Variants in CSNK1D observed in about 807,000 individuals in gnomAD.
CSNK1D encodes casein kinase 1 delta.
Under a neutral mutation model 46.6 loss-of-function variants are expected in CSNK1D, and 16 were observed. The observed-to-expected ratio is 0.34, with a 90% CI of 0.23 to 0.52. The LOEUF is 0.52. Among genes scored for constraint, CSNK1D ranks in the 20% least tolerant of loss-of-function variants. The pLI, the probability that CSNK1D is intolerant of heterozygous loss-of-function variation, is 0.95. For synonymous variants in CSNK1D, 276 were observed against 228.2 expected (o/e 1.21, Z -1.89); for missense variants, 398 against 578.4 (o/e 0.69, Z 3.20).
At chr17:82,240,080 C>G (rs761086341), downstream of CSNK1D, 222 of 1,233,448 alleles carry the variant, frequency 1.8e-4, no homozygotes, top group Non-Finnish European at 2.2e-4. Context: ...GAAAAGCAAG[C>G]GAAAAGTGCA....
rs780009306 is a variant in CSNK1D, at chr17:82,249,051, G to A, written c.1058-37C>T. The A allele has an allele frequency of 2.1e-4, 323 of 1,545,184 alleles. No individual in the cohort carries two copies. Among genetic ancestry groups the A allele is most frequent in the Non-Finnish European group, 2.6e-4 (294 of 1,143,754 alleles). The stretch of plus-strand genomic sequence containing the variant: ...GAGAGAAACGGAGTGGGCCGCCCCC[G>A]TCTGCTGCCTCTCACTCGGGGCTTT... On this transcript the variant is annotated intron_variant, in intron 7 of 8. Coordinates refer to ENST00000314028, the MANE Select transcript of CSNK1D (RefSeq NM_001893.6). This position sits in a 1 kb window ranked among gnomAD's most constrained non-coding sequence, Gnocchi z 6.7.
chr17:82,247,039 G>A, intron 8 of CSNK1D: 1 of 985,460 alleles, frequency 1.0e-6, no homozygotes, highest in Non-Finnish European at 1.2e-6. Flanking sequence ...TGGTGACAAA[G>A]GAGGGGGCCC....
intron 2 of CSNK1D, 23 bp downstream of exon 2, chr17:82,265,663 C>T: frequency 6.4e-7 from 1 of 1,552,218 alleles, no homozygotes; most frequent in Non-Finnish European, 8.9e-7. Context: ...CCTGGTGTTG[C>T]TCTGTGACTG....
At chr17:82,271,689 G>T (rs944727956) in intron 1 of CSNK1D, among the ~76,000 whole-genome samples, 1 of 152,248 alleles carries the variant, frequency 6.6e-6, no homozygotes, top group African/African-American at 2.4e-5. Context: ...GGCACCGAAA[G>T]TATGAGCCAC....
intron 8 of CSNK1D, chr17:82,245,967 C>T: frequency 6.3e-7 from 1 of 1,599,322 alleles, no homozygotes; most frequent in Non-Finnish European, 8.5e-7. Context: ...CCGCCACGCG[C>T]ACACTCACCC....
In CSNK1D at chr17:82,248,251, A is replaced by C; in HGVS notation, c.1197+624T>G. 6 of 986,306 alleles carry C rather than the reference A, an allele frequency of 6.1e-6. No homozygotes were observed. Among genetic ancestry groups the C allele is most frequent in the Non-Finnish European group, 7.2e-6 (6 of 830,486 alleles). The allele number at this position is 986,306 out of a possible 1,614,324, so 61.1% of individuals were successfully genotyped here. On this transcript the variant is annotated intron_variant, in intron 8 of 8. Transcript: ENST00000314028. This position sits in a 1 kb window ranked among gnomAD's most constrained non-coding sequence, Gnocchi z 4.1. ...TTCTAGTTCAAAGAGCACGTTAGCA[A>C]ACGCAAAAGACAACAAAAGCCAGAG...
Position 82,244,826 on chromosome 17 carries a change from A to G in CSNK1D, c.1203T>C (p.Pro401=), listed in dbSNP as rs1317498594. Reference sequence around the variant, plus strand: ...GAAGACCACTGGAAGCCACCCGACCAGGAATCTGTCGGAGCCAAAGCACAG... The same window carrying G: ...GAAGACCACTGGAAGCCACCCGACCGGGAATCTGTCGGAGCCAAAGCACAG... ...DTSRMSTSQI[P]GRVASSGLQS... is the part of the protein sequence containing the mutation. Residue 401 remains proline, a synonymous_variant, in exon 9 of 9, where the codon CCT becomes CCC. Coordinates refer to ENST00000314028, the MANE Select transcript of CSNK1D (RefSeq NM_001893.6). 7 of 1,613,844 alleles carry G rather than the reference A, an allele frequency of 4.3e-6. No individual in the cohort carries two copies. In the East Asian group the frequency reaches 1.6e-4, roughly 36 times the overall value.
At position 82,244,151 on chromosome 17, in the gene CSNK1D, C is replaced by A. The variant is rs2050792339; in HGVS notation, c.*630G>T. The A allele has an allele frequency of 9.9e-7, 1 of 1,007,146 alleles. No individual in the cohort carries two copies. Among genetic ancestry groups the A allele is most frequent in the African/African-American group, 1.7e-5 (1 of 57,602 alleles). The allele number at this position is 1,007,146 out of a possible 1,614,324, so 62.4% of individuals were successfully genotyped here. On this transcript the variant is annotated 3_prime_UTR_variant, in exon 9 of 9. Transcript: ENST00000314028. The stretch of plus-strand genomic sequence containing the variant: ...CACCACACACGGGCACACACACACA[C>A]CACGGACTTTTGATGAGAAATCTCC...
rs901608980 is a variant in CSNK1D at position 82,265,936 on chromosome 17, C to T, written c.77-140G>A. ...TGTTCTCCTTCCTAGCATAGTAAGG[C>T]GGGCTAATCGGCTGACACATCTCTG... is the stretch of plus-strand genomic sequence containing the variant. On this transcript the variant is annotated intron_variant, in intron 1 of 8. Transcript: ENST00000314028. 59 of 762,502 alleles carry T rather than the reference C, an allele frequency of 7.7e-5. 1 individual carries two copies. The highest frequency in any genetic ancestry group is 1.3e-4 in the Admixed American group (7 of 52,148). The allele number at this position is 762,502 out of a possible 1,614,324, so 47.2% of individuals were successfully genotyped here.
chr17:82,245,985 C>A (rs1348987379), intron 8 of CSNK1D: 2 of 1,605,948 alleles, frequency 1.2e-6, no homozygotes. Context: ...CCCAGTGCTG[C>A]CTTCCGATGG....
In CSNK1D at chr17:82,244,662, G is replaced by A; in HGVS notation, c.*119C>T. 1 of 1,571,628 alleles carries A rather than the reference G, an allele frequency of 6.4e-7. No individual in the cohort carries two copies. Among genetic ancestry groups the A allele is most frequent in the South Asian group, 1.1e-5 (1 of 86,984 alleles). On this transcript the variant is annotated 3_prime_UTR_variant, in exon 9 of 9. Transcript: ENST00000314028. ...CGAGCGTCGCTGGGTGAGTGGCCTG[G>A]AGAGCTCCCGGTGTTAACATTTCGA...
chr17:82,243,716 G>A lies in CSNK1D; in HGVS notation c.*1065C>T. ...CGTGGCAAGGACAGCCCCGCTCCTGGTTTTAAGCACAGGCATTCATACAGA... is the reference window on the plus strand; with the variant it reads ...CGTGGCAAGGACAGCCCCGCTCCTGATTTTAAGCACAGGCATTCATACAGA... On this transcript the variant is annotated 3_prime_UTR_variant, in exon 9 of 9. Coordinates refer to ENST00000314028, the MANE Select transcript of CSNK1D (RefSeq NM_001893.6). 2.0e-6 allele frequency: 2 copies of A among 985,468 alleles called. No homozygotes were observed. The highest frequency in any genetic ancestry group is 2.4e-6 in the Non-Finnish European group (2 of 829,960). The allele number at this position is 985,468 out of a possible 1,614,324, so 61.0% of individuals were successfully genotyped here.
downstream of CSNK1D, among the ~76,000 whole-genome samples, chr17:82,241,752 C>G (rs1156867858): frequency 6.6e-6 from 1 of 152,232 alleles, no homozygotes; most frequent in East Asian, 1.9e-4. Flanking sequence ...CTCAGATGCC[C>G]AGGGCACAGC....
At chr17:82,242,618 A>C, downstream of CSNK1D, 1 of 981,848 alleles carries the variant, frequency 1.0e-6, no homozygotes, top group Non-Finnish European at 1.2e-6. Flanking sequence ...CAACACAGTG[A>C]AAACTCTCAA....
In CSNK1D at chr17:82,262,188, G is replaced by A. The variant is rs187634621; in HGVS notation, c.187+3498C>T. 5.9e-5 allele frequency among the ~76,000 whole-genome samples: 9 copies of A among 152,338 alleles called. No homozygotes were observed. The East Asian group carries it at 1.5e-3, about 26-fold the overall frequency. On this transcript the variant is annotated intron_variant, in intron 2 of 8. Coordinates refer to ENST00000314028, the MANE Select transcript of CSNK1D (RefSeq NM_001893.6). ...TGTCCCAACCAGATTTGGGACAGGT[G>A]GGAGCATCTGGGGCACATTCCTGAC...
chr17:82,263,821 C>T (rs2051400267), intron 2 of CSNK1D, among the ~76,000 whole-genome samples: 2 of 152,236 alleles, frequency 1.3e-5, no homozygotes, highest in Non-Finnish European at 2.9e-5. Context: ...CTCGTCACAC[C>T]TTCAAGGCAA....
At chr17:82,247,298 G>A in intron 8 of CSNK1D, 1 of 985,422 alleles carries the variant, frequency 1.0e-6, no homozygotes, top group Non-Finnish European at 1.2e-6. Context: ...TTGGGGGCTG[G>A]TGGCTACAAC....
At chr17:82,258,639 A>G (rs1003884360) in intron 2 of CSNK1D, among the ~76,000 whole-genome samples, 3 of 152,030 alleles carry the variant, frequency 2.0e-5, no homozygotes, top group African/African-American at 7.3e-5. Context: ...TGGAGTTTTC[A>G]CTGTCCCAAA....
chr17:82,242,827 G>C lies in CSNK1D; in HGVS notation c.*1954C>G. The C allele has an allele frequency of 1.0e-6, 1 of 985,466 alleles. No individual in the cohort carries two copies. The highest frequency in any genetic ancestry group is 1.2e-6 in the Non-Finnish European group (1 of 829,940). The allele number at this position is 985,466 out of a possible 1,614,324, so 61.0% of individuals were successfully genotyped here. A position where few individuals can be genotyped will look rare whatever the true frequency, so the allele number is the denominator to read the frequency against. On this transcript the variant is annotated 3_prime_UTR_variant, in exon 9 of 9. Transcript: ENST00000314028. ...CGGGGCGACGGGGACTAGATACTGG[G>C]CAAGGACTGTCACAAGCACTCCGAA... is the stretch of plus-strand genomic sequence containing the variant.
Sources: allele counts gnomAD v4.1 joint callset (sites outside exome capture counted in the v4.1 genomes callset), GRCh38; gene constraint gnomAD v4.1.1; non-coding constraint Gnocchi (gnomAD v3.1); transcripts MANE v1.5; gene names NCBI Gene and HGNC (gene_info 2026-07-23, HGNC 2026-07-21).